IL1RAPL2: variants seen among roughly 807,000 people sequenced by gnomAD.
IL1RAPL2 encodes the protein interleukin 1 receptor accessory protein like 2.
In IL1RAPL2, 3 loss-of-function variants were observed where a neutral mutation model predicts 44.1. That is an observed-to-expected ratio of 0.07 (90% confidence interval 0.03 to 0.18). IL1RAPL2 has a LOEUF of 0.18. Among genes scored for constraint, IL1RAPL2 ranks in the 10% least tolerant of loss-of-function variants. The probability of loss-of-function intolerance (pLI) is 1.00; values close to 1 mark genes in which losing one functional copy is unlikely to be tolerated. For missense variants in IL1RAPL2, 391 were observed against 496.4 expected, an observed-to-expected ratio of 0.79 and a Z score of 2.02; for synonymous variants, 181 against 178.8, an observed-to-expected ratio of 1.01 and a Z score of -0.10.
intron 5 of IL1RAPL2, among the ~76,000 whole-genome samples, chrX:105,413,041 A>C (rs2147741797): frequency 8.9e-6 from 1 of 111,830 alleles, no homozygotes; most frequent in South Asian, 3.7e-4. Context: ...GATGTTTAAT[A>C]AATGTTAATA....
intron 2 of IL1RAPL2, among the ~76,000 whole-genome samples, chrX:105,096,283 A>G (rs775934157): frequency 8.9e-6 from 1 of 112,090 alleles, no homozygotes; most frequent in Admixed American, 9.5e-5. Flanking sequence ...CAGTTCCTCA[A>G]AAAGCTAAGC....
At chrX:104,896,015 A>G (rs1923633676) in intron 2 of IL1RAPL2, among the ~76,000 whole-genome samples, 1 of 111,837 alleles carries the variant, frequency 8.9e-6, no homozygotes, top group East Asian at 2.8e-4. Flanking sequence ...AGGACTCTGC[A>G]CCTTCTTAGG....
chrX:105,311,808 A>G (rs1220404057), intron 5 of IL1RAPL2, among the ~76,000 whole-genome samples: 2 of 111,511 alleles, frequency 1.8e-5, no homozygotes, highest in Non-Finnish European at 3.8e-5. Flanking sequence ...AAGTGAGTGT[A>G]GAGGCATCAT....
At chrX:104,582,553 T>G (rs766238583) in intron 1 of IL1RAPL2, among the ~76,000 whole-genome samples, 1 of 102,967 alleles carries the variant, frequency 9.7e-6, no homozygotes, top group Non-Finnish European at 1.9e-5. Context: ...CTTCCTCCCC[T>G]TCCTCCTTTC....
intron 2 of IL1RAPL2, among the ~76,000 whole-genome samples, chrX:104,947,176 G>C (rs1161444402): frequency 2.7e-5 from 3 of 112,130 alleles, no homozygotes; most frequent in Admixed American, 1.9e-4. Context: ...GTGATGATGA[G>C]CATGTTTTCA....
At chrX:105,737,944 G>C (rs1184021418) in intron 7 of IL1RAPL2, among the ~76,000 whole-genome samples, 2 of 111,838 alleles carry the variant, frequency 1.8e-5, no homozygotes, top group Non-Finnish European at 3.8e-5. Context: ...CTAACCATAA[G>C]ATGTGGTCTC....
chrX:104,861,314 A>G, intron 2 of IL1RAPL2, among the ~76,000 whole-genome samples: 1 of 112,022 alleles, frequency 8.9e-6, no homozygotes, highest in East Asian at 2.8e-4. Flanking sequence ...TTAAATGCCC[A>G]CTATGTGGCC....
At chrX:105,453,455 T>G in intron 5 of IL1RAPL2, among the ~76,000 whole-genome samples, 1 of 112,372 alleles carries the variant, frequency 8.9e-6, no homozygotes, top group East Asian at 2.8e-4. Context: ...CAGTATATAA[T>G]GCAAACCACT....
At chrX:105,363,973 T>C (rs1249364753) in intron 5 of IL1RAPL2, among the ~76,000 whole-genome samples, 1 of 111,986 alleles carries the variant, frequency 8.9e-6, no homozygotes, top group Non-Finnish European at 1.9e-5. Flanking sequence ...TTTGCTCTTG[T>C]TGCCTATGCT....
At chrX:104,759,710 AC>A (rs1932395894) in intron 2 of IL1RAPL2, among the ~76,000 whole-genome samples, 1 of 111,527 alleles carries the variant, frequency 9.0e-6, no homozygotes, top group African/African-American at 3.3e-5. Context: ...TTTATGGAAT[AC>A]ATGAGATGTT....
intron 3 of IL1RAPL2, among the ~76,000 whole-genome samples, chrX:105,205,587 TAAAAAAA>T (rs375473348): frequency 1.5e-3 from 12 of 8,196 alleles, no homozygotes; most frequent in African/African-American, 1.9e-3. Context: ...AAGACTCTGT[TAAAAAAA>T]AAAAAAAAAA....
At chrX:105,264,113 G>A (rs2034382716) in intron 4 of IL1RAPL2, among the ~76,000 whole-genome samples, 1 of 111,089 alleles carries the variant, frequency 9.0e-6, no homozygotes, top group African/African-American at 3.3e-5. Flanking sequence ...TGTGTCATGG[G>A]AGGGACCAGG....
chrX:105,737,669 T>C, intron 7 of IL1RAPL2, among the ~76,000 whole-genome samples: 1 of 111,362 alleles, frequency 9.0e-6, no homozygotes, highest in Non-Finnish European at 1.9e-5. Flanking sequence ...CTGCCCTCCA[T>C]GTGAAGCTTC....
intron 2 of IL1RAPL2, among the ~76,000 whole-genome samples, chrX:104,765,509 G>C (rs990742540): frequency 1.8e-5 from 2 of 111,752 alleles, no homozygotes; most frequent in Non-Finnish European, 3.8e-5. Context: ...ATAAATAAAG[G>C]CTGCTGCCTC....
chrX:105,667,293 G>A (rs1024796160), intron 6 of IL1RAPL2, among the ~76,000 whole-genome samples: 1 of 111,992 alleles, frequency 8.9e-6, no homozygotes, highest in African/African-American at 3.2e-5. Flanking sequence ...TCAGGACCGG[G>A]TAAAGCAGTT....
At chrX:105,397,517 C>A (rs1357698019) in intron 5 of IL1RAPL2, among the ~76,000 whole-genome samples, 1 of 110,930 alleles carries the variant, frequency 9.0e-6, no homozygotes, top group African/African-American at 3.3e-5. Context: ...TAGATTGAGA[C>A]AAAACATCAA....
chrX:104,578,024 T>C (rs779620627), intron 1 of IL1RAPL2, among the ~76,000 whole-genome samples: 4 of 112,007 alleles, frequency 3.6e-5, no homozygotes, highest in Non-Finnish European at 7.5e-5. Context: ...TCTATTTGTC[T>C]ATGTAAATGA....
chrX:105,670,622 A>C (rs1055391999), intron 6 of IL1RAPL2, among the ~76,000 whole-genome samples: 1 of 109,263 alleles, frequency 9.2e-6, no homozygotes, highest in African/African-American at 3.3e-5. Flanking sequence ...TCTAAAAAAA[A>C]AAAATCTAAC....
Position 104,764,719 on chromosome X carries a change from G to A in IL1RAPL2, c.82+105724G>A, listed in dbSNP as rs183526627. Among the ~76,000 whole-genome samples the A allele has an allele frequency of 5.4e-5, 6 of 111,729 alleles. No individual in the cohort carries two copies. In the Admixed American group the frequency reaches 5.7e-4, roughly 11 times the overall value. On this transcript the variant is annotated intron_variant, in intron 2 of 10. Coordinates refer to ENST00000372582, the MANE Select transcript of IL1RAPL2 (RefSeq NM_017416.2). Reference sequence around the variant, plus strand: ...TCATATATAACTTTTATTATGTTGAGGTATGTTCCTTCTATCCCCATTTTT... The same window carrying A: ...TCATATATAACTTTTATTATGTTGAAGTATGTTCCTTCTATCCCCATTTTT...
Sources: gnomAD v4.1 joint callset for allele counts (sites outside exome capture counted in the v4.1 genomes callset) on GRCh38, gnomAD v4.1.1 for gene constraint, MANE v1.5 for transcripts, NCBI Gene and HGNC (gene_info 2026-07-23, HGNC 2026-07-21) for gene names.